The following STOX2 variants were observed in gnomAD, a reference collection of about 807,000 sequenced individuals.
The protein encoded by STOX2 is storkhead box 2.
In STOX2, 28 loss-of-function variants were observed where a neutral mutation model predicts 60.9. The observed-to-expected ratio is 0.46, with a 90% CI of 0.34 to 0.63. The LOEUF (loss-of-function observed/expected upper bound fraction) is 0.63. Ranked by LOEUF, STOX2 falls within the 30% of genes least tolerant of loss-of-function variation. The pLI is 0.01. For synonymous variants in STOX2, 472 were observed against 463.9 expected (o/e 1.02, Z -0.22); for missense variants, 1,024 against 1,187.7 (o/e 0.86, Z 2.03).
At chr4:183,940,446 A>C (rs537038971) in intron 1 of STOX2, among the ~76,000 whole-genome samples, 1 of 152,346 alleles carries the variant, frequency 6.6e-6, no homozygotes, top group East Asian at 1.9e-4. Context: ...ATGTGTGTAC[A>C]TGCTGAAAAC....
intron 1 of STOX2, among the ~76,000 whole-genome samples, chr4:183,912,943 A>G (rs898459189): frequency 1.8e-4 from 27 of 152,244 alleles, no homozygotes; most frequent in African/African-American, 6.0e-4. Context: ...TGATTGGTAG[A>G]CAGGACCAAC....
intron 1 of STOX2, among the ~76,000 whole-genome samples, chr4:183,931,379 G>T (rs146166894): frequency 0.013 from 1,986 of 152,190 alleles, 41 homozygotes; most frequent in African/African-American, 0.046. Flanking sequence ...AGCCAAGATT[G>T]TGCCACCGTA....
At chr4:183,944,558 A>G (rs2111133930) in intron 1 of STOX2, among the ~76,000 whole-genome samples, 1 of 152,304 alleles carries the variant, frequency 6.6e-6, no homozygotes, top group South Asian at 2.1e-4. Flanking sequence ...TACTAAAGCT[A>G]CAAAAGTTAG....
intron 1 of STOX2, among the ~76,000 whole-genome samples, chr4:183,872,871 T>C (rs1740726743): frequency 6.6e-6 from 1 of 152,198 alleles, no homozygotes; most frequent in African/African-American, 2.4e-5. Flanking sequence ...ATGAGATTAG[T>C]CCGTCATCTT....
intron 2 of STOX2, among the ~76,000 whole-genome samples, chr4:184,006,744 GTAT>G (rs561777643): frequency 1.8e-4 from 25 of 140,022 alleles, no homozygotes; most frequent in Non-Finnish European, 3.7e-4. Context: ...TGTACAGAAA[GTAT>G]TATAAAATTA....
intron 1 of STOX2, among the ~76,000 whole-genome samples, chr4:183,980,353 G>C (rs143844939): frequency 4.3e-4 from 65 of 152,304 alleles, no homozygotes; most frequent in African/African-American, 1.5e-3. Context: ...ATATTGGATT[G>C]TTTTTGCGTG....
intron 3 of STOX2, chr4:184,015,270 C>T (rs1039275516): frequency 6.6e-5 from 10 of 152,246 alleles, no homozygotes; most frequent in Admixed American, 5.9e-4. Flanking sequence ...TGACCCTCCT[C>T]TTCCTCCACC....
At chr4:183,926,919 A>G (rs532906395) in intron 1 of STOX2, among the ~76,000 whole-genome samples, 1 of 152,300 alleles carries the variant, frequency 6.6e-6, no homozygotes, top group Admixed American at 6.5e-5. Context: ...ACCGGGCCCG[A>G]CCACAAATAG....
rs1275474160 is a variant in STOX2 at position 183,836,745 on chromosome 4, A to C, written c.364+38690A>C. Among the ~76,000 whole-genome samples the C allele has an allele frequency of 1.3e-5, 2 of 152,154 alleles. No individual in the cohort carries two copies. Among genetic ancestry groups the C allele is most frequent in the Non-Finnish European group, 2.9e-5 (2 of 68,028 alleles). Reference sequence around the variant, plus strand: ...TCGTGACAGCCTCATGAAGGTGAAAAAGCAGGGATACTATTAGACACTCTG... The same window carrying C: ...TCGTGACAGCCTCATGAAGGTGAAACAGCAGGGATACTATTAGACACTCTG... On this transcript the variant is annotated intron_variant, in intron 1 of 2. Transcript: ENST00000513034. This position sits in a 1 kb window ranked among gnomAD's most constrained non-coding sequence, Gnocchi z 4.1.
At chr4:183,909,976 C>T (rs1322706091) in intron 1 of STOX2, among the ~76,000 whole-genome samples, 5 of 152,202 alleles carry the variant, frequency 3.3e-5, no homozygotes, top group Admixed American at 2.0e-4. Flanking sequence ...CTTTAAGTCT[C>T]GAAGACTATG....
At chr4:183,830,333 C>T (rs1382881583) in intron 1 of STOX2, among the ~76,000 whole-genome samples, 2 of 152,204 alleles carry the variant, frequency 1.3e-5, no homozygotes, top group Non-Finnish European at 2.9e-5. Flanking sequence ...GGTTTTTACA[C>T]TCTCAGTCGA....
chr4:183,813,224 A>C (rs1483267480), intron 1 of STOX2, among the ~76,000 whole-genome samples: 1 of 152,118 alleles, frequency 6.6e-6, no homozygotes, highest in Non-Finnish European at 1.5e-5. Context: ...CTCTACTAAA[A>C]ATACAAAAAT....
chr4:183,853,222 A>G (rs991225327), intron 1 of STOX2, among the ~76,000 whole-genome samples: 3 of 152,222 alleles, frequency 2.0e-5, no homozygotes, highest in Non-Finnish European at 4.4e-5. Context: ...GGAAATGCCG[A>G]AAGGAGATTG....
At chr4:183,908,925 C>G (rs537277340) in intron 1 of STOX2, among the ~76,000 whole-genome samples, 3 of 152,100 alleles carry the variant, frequency 2.0e-5, no homozygotes, top group Admixed American at 1.3e-4. Flanking sequence ...CCCCAAAGAG[C>G]GAAGTGCCTT....
At chr4:184,006,908 TG>T (rs1733873497) in intron 2 of STOX2, among the ~76,000 whole-genome samples, 1 of 143,670 alleles carries the variant, frequency 7.0e-6, no homozygotes, top group Non-Finnish European at 1.5e-5. Context: ...CCCAGCTACT[TG>T]GGAGGCTGAG....
At chr4:183,931,110 A>G (rs1241467757) in intron 1 of STOX2, among the ~76,000 whole-genome samples, 1 of 152,122 alleles carries the variant, frequency 6.6e-6, no homozygotes, top group East Asian at 1.9e-4. Flanking sequence ...TTCATTTATC[A>G]TCTACTATAA....
chr4:183,871,970 T>C (rs1202009338), intron 1 of STOX2, among the ~76,000 whole-genome samples: 1 of 152,190 alleles, frequency 6.6e-6, no homozygotes, highest in Non-Finnish European at 1.5e-5. Flanking sequence ...ATTAATGTAA[T>C]AACTTAATAT....
rs1053859921 is a variant in STOX2 at position 183,948,592 on chromosome 4, C to T, written c.166+41636C>T. Among the ~76,000 whole-genome samples the T allele has an allele frequency of 1.9e-4, 23 of 118,338 alleles. No individual in the cohort carries two copies. The Admixed American group carries it at 2.0e-3, about 10-fold the overall frequency. The allele number at this position is 118,338 out of a possible 152,430, so 77.6% of individuals were successfully genotyped here. A position where few individuals can be genotyped will look rare whatever the true frequency, so the allele number is the denominator to read the frequency against. ...CAGAGTTTAGGCTGGAGTGCAGTGGCGCGATCTTGGCTCACTGCAACCTCT... is the reference window on the plus strand; with the variant it reads ...CAGAGTTTAGGCTGGAGTGCAGTGGTGCGATCTTGGCTCACTGCAACCTCT... On this transcript the variant is annotated intron_variant, in intron 1 of 3. Transcript: ENST00000308497.
Position 184,005,474 on chromosome 4 carries a change from A to AAAAAAAAAAAC in STOX2, c.320-3682_320-3681insAAAAAAAACAA, listed in dbSNP as rs58443213. Among the ~76,000 whole-genome samples the AAAAAAAAAAAC allele has an allele frequency of 2.9e-4, 35 of 120,110 alleles. 2 individuals are homozygous for AAAAAAAAAAAC. The highest frequency in any genetic ancestry group is 4.9e-4 in the Non-Finnish European group (28 of 57,506). 78.8% of individuals were successfully genotyped at this position (120,110 alleles called of 152,430 possible). ...CGATATCTCAAAAAAAAAAAAAAAA[A>AAAAAAAAAAAC]AATTCATAGGTATAAGTAGACCACA... On this transcript the variant is annotated intron_variant, in intron 2 of 3. Transcript: ENST00000308497.
Sources: gnomAD v4.1 joint callset for allele counts (sites outside exome capture counted in the v4.1 genomes callset) on GRCh38, gnomAD v4.1.1 for gene constraint, Gnocchi (gnomAD v3.1) non-coding constraint, MANE v1.5 for transcripts, NCBI Gene and HGNC (gene_info 2026-07-23, HGNC 2026-07-21) for gene names.